The following IQCH variants were observed in gnomAD, a reference collection of about 807,000 sequenced individuals.
The protein encoded by IQCH is IQ motif containing H.
A neutral mutation model predicts 117.0 loss-of-function variants in IQCH; 98 were observed. The ratio of observed to expected loss-of-function variants is 0.84; its 90% CI spans 0.71 to 0.99. The LOEUF (loss-of-function observed/expected upper bound fraction) is 0.99. Ranked by LOEUF, IQCH falls within the 50% of genes least tolerant of loss-of-function variation. The probability of loss-of-function intolerance (pLI) is 0.00; values close to 1 mark genes in which losing one functional copy is unlikely to be tolerated. For synonymous variants in IQCH, 412 were observed against 448.2 expected (o/e 0.92, Z 1.02); for missense variants, 1,102 against 1,243.8 (o/e 0.89, Z 1.72).
intron 4 of IQCH, among the ~76,000 whole-genome samples, chr15:67,307,665 G>A (rs186789794): frequency 1.3e-5 from 2 of 152,210 alleles, no homozygotes; most frequent in East Asian, 3.9e-4. Flanking sequence ...CAGTAATTCA[G>A]AATGAGCTTG....
chr15:67,486,017 T>C (rs1210002407), intron 18 of IQCH, among the ~76,000 whole-genome samples: 1 of 143,940 alleles, frequency 6.9e-6, no homozygotes, highest in Non-Finnish European at 1.5e-5. Context: ...AAATGAGCAA[T>C]AAGACTGCTA....
rs377580725 is a variant in IQCH, at chr15:67,446,423, AAG to A, written c.2506-18701_2506-18700del. 4.9e-3 allele frequency among the ~76,000 whole-genome samples: 745 copies of A among 152,332 alleles called. 1 individual carries two copies. The highest frequency in any genetic ancestry group is 7.4e-3 in the Non-Finnish European group (501 of 68,036). On this transcript the variant is annotated intron_variant, in intron 16 of 20. Coordinates refer to ENST00000335894, the MANE Select transcript of IQCH (RefSeq NM_001031715.3). ...TGAATTTTAGAAGAGGTAAAGGAGA[AAG>A]AGGGGGAAAAGAGGAAGAGAGGAAG...
intron 6 of IQCH, among the ~76,000 whole-genome samples, chr15:67,351,254 C>A (rs1442906692): frequency 6.6e-6 from 1 of 152,038 alleles, no homozygotes; most frequent in Non-Finnish European, 1.5e-5. Flanking sequence ...CCCCACCCCC[C>A]AACAGTCCCT....
intron 18 of IQCH, among the ~76,000 whole-genome samples, chr15:67,478,661 C>T (rs927680854): frequency 1.3e-5 from 2 of 152,088 alleles, no homozygotes; most frequent in Non-Finnish European, 2.9e-5. Context: ...CACGGTGGCT[C>T]ATGCCTGTAA....
intron 6 of IQCH, among the ~76,000 whole-genome samples, chr15:67,344,459 A>AT (rs1207802859): frequency 2.0e-5 from 3 of 152,030 alleles, no homozygotes; most frequent in African/African-American, 7.2e-5. Context: ...TCATTTGTAC[A>AT]TTTTTTGTGA....
chr15:67,483,203 G>T (rs2083384606), intron 18 of IQCH, among the ~76,000 whole-genome samples: 1 of 152,172 alleles, frequency 6.6e-6, no homozygotes, highest in Non-Finnish European at 1.5e-5. Context: ...TGAAGGCATT[G>T]AAGGGCAACT....
Position 67,259,144 on chromosome 15 carries a change from C to A in IQCH, c.52-2128C>A, listed in dbSNP as rs1255474574. Among the ~76,000 whole-genome samples, 4 of 152,178 alleles carry A rather than the reference C, an allele frequency of 2.6e-5. No homozygotes were observed. The East Asian group carries it at 7.7e-4, about 29-fold the overall frequency. ...CATTTGTTCAGTGCCCTCCTATGTG[C>A]TTAACACTATACAAAGTACTTATAT... On this transcript the variant is annotated intron_variant, in intron 1 of 20. Transcript: ENST00000335894.
chr15:67,287,443 C>T (rs551856046), intron 4 of IQCH, among the ~76,000 whole-genome samples: 90 of 152,198 alleles, frequency 5.9e-4, no homozygotes, highest in African/African-American at 2.0e-3. Flanking sequence ...GCTTCAGTCT[C>T]GCTACTTGTT....
intron 4 of IQCH, among the ~76,000 whole-genome samples, chr15:67,287,020 A>G (rs1376280963): frequency 1.3e-5 from 2 of 152,172 alleles, no homozygotes; most frequent in African/African-American, 2.4e-5. Context: ...TTCAGCACCA[A>G]TTGAAATGAT....
intron 6 of IQCH, among the ~76,000 whole-genome samples, chr15:67,345,276 C>G (rs1036076589): frequency 6.6e-6 from 1 of 152,170 alleles, no homozygotes; most frequent in Non-Finnish European, 1.5e-5. Context: ...CAGCCATGAG[C>G]CAGCGCGCCC....
chr15:67,334,364 A>C (rs1376729308), intron 4 of IQCH, among the ~76,000 whole-genome samples: 1 of 151,656 alleles, frequency 6.6e-6, no homozygotes, highest in African/African-American at 2.4e-5. Context: ...TCATTCCCCC[A>C]TCCTACCCTC....
intron 9 of IQCH, among the ~76,000 whole-genome samples, 160 bp from the exon 10 acceptor site, chr15:67,373,207 C>A (rs1162890183): frequency 6.6e-6 from 1 of 152,112 alleles, no homozygotes; most frequent in Non-Finnish European, 1.5e-5. Flanking sequence ...CATGTAGCCA[C>A]CTAATTAAAT....
intron 9 of IQCH, 152 bp downstream of exon 9, chr15:67,372,814 A>C (rs927085714): frequency 1.6e-6 from 1 of 628,994 alleles, no homozygotes; most frequent in African/African-American, 1.8e-5. Context: ...TCAATGTATG[A>C]TGCACAAACC....
At chr15:67,353,506 C>T (rs777375753) in intron 6 of IQCH, among the ~76,000 whole-genome samples, 4 of 151,914 alleles carry the variant, frequency 2.6e-5, no homozygotes, top group East Asian at 1.9e-4. Flanking sequence ...ACTACAGGTG[C>T]GCGCCACCAC....
At chr15:67,286,724 T>G (rs978543032) in intron 4 of IQCH, among the ~76,000 whole-genome samples, 4 of 152,106 alleles carry the variant, frequency 2.6e-5, no homozygotes, top group African/African-American at 9.7e-5. Context: ...GGAACCTGCC[T>G]CAGCCTCCCA....
chr15:67,407,053 T>C lies in IQCH; in HGVS notation c.2097+6748T>C, dbSNP rs1348232773. On this transcript the variant is annotated intron_variant, in intron 14 of 20. Coordinates refer to ENST00000335894, the MANE Select transcript of IQCH (RefSeq NM_001031715.3). This position sits in a 1 kb window ranked among gnomAD's most constrained non-coding sequence, Gnocchi z 5.3. ...TAGGCTTCCAGGATATTGCTGTCTA[T>C]GTCCATCAGCCATCATTATATGGGG... 1 of 152,228 alleles carries C rather than the reference T, an allele frequency of 6.6e-6. No individual in the cohort carries two copies. Among genetic ancestry groups the C allele is most frequent in the Non-Finnish European group, 1.5e-5 (1 of 68,044 alleles). 9.4% of individuals were successfully genotyped at this position (152,228 alleles called of 1,614,324 possible).
intron 16 of IQCH, among the ~76,000 whole-genome samples, chr15:67,449,526 G>T (rs1242752111): frequency 6.6e-6 from 1 of 152,200 alleles, no homozygotes; most frequent in Admixed American, 6.5e-5. Flanking sequence ...TCATAGATCA[G>T]ATAGTTGTAG....
At chr15:67,287,098 C>T (rs1966592392) in intron 4 of IQCH, among the ~76,000 whole-genome samples, 1 of 152,120 alleles carries the variant, frequency 6.6e-6, no homozygotes, top group South Asian at 2.1e-4. Context: ...ATGTTGAACC[C>T]TCCTTCCATT....
rs1449667971 is a variant in IQCH, at chr15:67,445,125, T to G, written c.2506-20002T>G. 2.0e-5 allele frequency among the ~76,000 whole-genome samples: 3 copies of G among 152,214 alleles called. No individual in the cohort carries two copies. The highest frequency in any genetic ancestry group is 1.3e-4 in the Admixed American group (2 of 15,280). On this transcript the variant is annotated intron_variant, in intron 16 of 20. Coordinates refer to ENST00000335894, the MANE Select transcript of IQCH (RefSeq NM_001031715.3). The surrounding 1 kb of genome is among the most constrained non-coding windows in gnomAD (Gnocchi z 4.3). Reference sequence around the variant, plus strand: ...AAATATCAGATAATCCATTGCTTTTTCAGTAAAACAAAAACTTAAACACGT... The same window carrying G: ...AAATATCAGATAATCCATTGCTTTTGCAGTAAAACAAAAACTTAAACACGT...
Sources: allele counts gnomAD v4.1 joint callset (sites outside exome capture counted in the v4.1 genomes callset), GRCh38; gene constraint gnomAD v4.1.1; non-coding constraint Gnocchi (gnomAD v3.1); transcripts MANE v1.5; gene names NCBI Gene and HGNC (gene_info 2026-07-23, HGNC 2026-07-21).